The following TRIM50 variants were observed in gnomAD, a reference collection of about 807,000 sequenced individuals.
TRIM50 encodes the protein tripartite motif containing 50.
TRIM50 carries 34 observed loss-of-function variants against 44.9 expected under a neutral mutation model. The observed-to-expected ratio is 0.76, with a 90% confidence interval of 0.58 to 1.01. TRIM50 has a LOEUF of 1.01. TRIM50 is among the 50% of genes least tolerant of loss of function. TRIM50 has a pLI of 0.00. For synonymous variants in TRIM50, 307 were observed against 291.1 expected (o/e 1.05, Z -0.56); for missense variants, 633 against 663.7 (o/e 0.95, Z 0.51).
intron 3 of TRIM50, 71 bp downstream of exon 3, chr7:73,320,076 A>G: frequency 1.1e-5 from 17 of 1,612,222 alleles, no homozygotes; most frequent in East Asian, 4.5e-5. Context: ...TAAAGGACCA[A>G]TGAGAACTGA....
Position 73,313,275 on chromosome 7 carries a change from G to A in TRIM50, c.1110C>T (p.Ala370=), listed in dbSNP as rs781885273. ...DWRLGVIKGT[A]SRKGKLNRSP... ...ACCTGTTCAGCTTGCCCTTACGGCT[G>A]GCTGTGCCCTTGATGACCCCCAGGC... The change falls in exon 7 of 7, where the codon GCC becomes GCT. Residue 370 remains alanine (A), a synonymous_variant. Transcript: ENST00000333149. The surrounding 1 kb of genome is among the most constrained non-coding windows in gnomAD (Gnocchi z 4.9). 1 of 1,603,140 alleles carries A rather than the reference G, an allele frequency of 6.2e-7. No homozygotes were observed. Among genetic ancestry groups the A allele is most frequent in the South Asian group, 1.1e-5 (1 of 89,110 alleles).
rs1554545647 is a variant in TRIM50 at position 73,324,599 on chromosome 7, G to A, written c.189C>T (p.Ser63=). The A allele has an allele frequency of 1.9e-6, 3 of 1,614,108 alleles. No homozygotes were observed. Among genetic ancestry groups the A allele is most frequent in the African/African-American group, 2.7e-5 (2 of 75,046 alleles). The stretch of plus-strand genomic sequence containing the variant: ...CCAGGGAGACGTTGGGCAGGGAGCT[G>A]CTGCCGTCCACCGCCTGCCGGCACA... ...CPVCRQAVDG[S]SSLPNVSLAR... The change falls in exon 2 of 7, where the codon AGC becomes AGT. Residue 63 remains serine (S), a synonymous_variant. Transcript: ENST00000333149.
intron 1 of TRIM50, among the ~76,000 whole-genome samples, chr7:73,325,014 A>G (rs1176123157): frequency 2.0e-4 from 29 of 141,950 alleles, no homozygotes; most frequent in Admixed American, 1.6e-3. Context: ...CCTTGAAGAT[A>G]TGTGTGTGTG....
In TRIM50 at chr7:73,324,467, G is replaced by T; in HGVS notation, c.321C>A (p.Ile107=). ...AGCCCAGCAGACCGCAGAGGCCACA[G>T]ATGAGCTCCTGGTCCTTCTCGCAGA... is the stretch of plus-strand genomic sequence containing the variant. ...SLFCEKDQEL[I]CGLCGLLGSH... The change falls in exon 2 of 7, where the codon ATC becomes ATA. Residue 107 remains isoleucine, a synonymous_variant. Transcript: ENST00000333149. The T allele has an allele frequency of 6.2e-7, 1 of 1,613,594 alleles. No individual in the cohort carries two copies. The highest frequency in any genetic ancestry group is 8.5e-7 in the Non-Finnish European group (1 of 1,180,032).
Position 73,318,915 on chromosome 7 carries a change from C to G in TRIM50, c.633G>C (p.Gln211His). 6.2e-7 allele frequency: 1 copy of G among 1,614,024 alleles called. No individual in the cohort carries two copies. The highest frequency in any genetic ancestry group is 8.5e-7 in the Non-Finnish European group (1 of 1,179,874). The change falls in exon 4 of 7, where the codon CAG becomes CAC. Residue 211 changes from glutamine to histidine, a missense_variant. By Grantham distance (24) the Gln-to-His change is conservative. Coordinates refer to ENST00000333149, the MANE Select transcript of TRIM50 (RefSeq NM_178125.3). ...TRGLVASLDMQLEQAQGTRER... is the reference protein window; with the variant it reads ...TRGLVASLDMHLEQAQGTRER... ...CCCGGGTTCCCTGGGCCTGCTCCAGCTGCATGTCCAGGGAGGCCACCAGGC... is the reference window on the plus strand; with the variant it reads ...CCCGGGTTCCCTGGGCCTGCTCCAGGTGCATGTCCAGGGAGGCCACCAGGC...
At chr7:73,324,852 T>C (rs552202727) in intron 1 of TRIM50, 47 bp from the exon 2 acceptor site, 1 of 1,605,024 alleles carries the variant, frequency 6.2e-7, no homozygotes, top group African/African-American at 1.3e-5. Flanking sequence ...CCCCTCCCCC[T>C]GTCCAGCACT....
At position 73,313,154 on chromosome 7, in the gene TRIM50, G is replaced by T; in HGVS notation, c.1231C>A (p.Pro411Thr). Reference sequence around the variant, plus strand: ...TGCAGGTAGAGCCCGATGCGGTGGGGGTGGCCGGCCACGGGCAGGGGTACC... The same window carrying T: ...TGCAGGTAGAGCCCGATGCGGTGGGTGTGGCCGGCCACGGGCAGGGGTACC... ...PRVPLPVAGH[P>T]HRIGLYLHYE... is the part of the protein sequence containing the mutation. The change falls in exon 7 of 7, where the codon CCC (proline) becomes ACC (threonine). Residue 411 changes from proline (P) to threonine (T), a missense_variant. By Grantham distance (38) the Pro-to-Thr change is conservative. Transcript: ENST00000333149. The surrounding 1 kb of genome is among the most constrained non-coding windows in gnomAD (Gnocchi z 4.9). The T allele has an allele frequency of 1.3e-6, 2 of 1,589,032 alleles. No individual in the cohort carries two copies. The highest frequency in any genetic ancestry group is 1.7e-6 in the Non-Finnish European group (2 of 1,168,124).
In TRIM50 at chr7:73,320,163, T is replaced by G. The variant is rs782426358; in HGVS notation, c.479A>C (p.Asn160Thr). The change falls in exon 3 of 7, where the codon AAC (asparagine) becomes ACC (threonine). Residue 160 changes from asparagine (N) to threonine (T), a missense_variant. Coordinates refer to ENST00000333149, the MANE Select transcript of TRIM50 (RefSeq NM_178125.3). ...VDELIAKLVN[N>T]RTRIVNESDV... is the part of the protein sequence containing the mutation. ...GGCACTCACGACGATTCGGGTCCGG[T>G]TGTTCACCAGTTTGGCGATGAGCTC... The G allele has an allele frequency of 6.2e-7, 1 of 1,613,938 alleles. No homozygotes were observed.
chr7:73,313,244 C>T lies in TRIM50; in HGVS notation c.1141G>A (p.Glu381Lys), dbSNP rs782075450. Residue 381 changes from glutamate to lysine, a missense_variant, in exon 7 of 7, where the codon GAG becomes AAG. Physicochemically the swap from Glu to Lys is moderately conservative, Grantham distance 56. Transcript: ENST00000333149. This position sits in a 1 kb window ranked among gnomAD's most constrained non-coding sequence, Gnocchi z 4.9. ...AGGCCGATCAGCCACACGCCGTGCTCGGGGGACCTGTTCAGCTTGCCCTTA... is the reference window on the plus strand; with the variant it reads ...AGGCCGATCAGCCACACGCCGTGCTTGGGGGACCTGTTCAGCTTGCCCTTA... ...SRKGKLNRSP[E>K]HGVWLIGLKE... The T allele has an allele frequency of 5.6e-6, 9 of 1,597,178 alleles. No homozygotes were observed. Among genetic ancestry groups the T allele is most frequent in the Non-Finnish European group, 7.7e-6 (9 of 1,172,458 alleles).
rs782737177 is a variant in TRIM50 at position 73,313,245 on chromosome 7, G to A, written c.1140C>T (p.Pro380=). The A allele has an allele frequency of 5.6e-6, 9 of 1,597,490 alleles. No individual in the cohort carries two copies. Among genetic ancestry groups the A allele is most frequent in the South Asian group, 2.3e-5 (2 of 88,398 alleles). ...ASRKGKLNRS[P]EHGVWLIGLK... is the part of the protein sequence containing the mutation. ...GGCCGATCAGCCACACGCCGTGCTCGGGGGACCTGTTCAGCTTGCCCTTAC... is the reference window on the plus strand; with the variant it reads ...GGCCGATCAGCCACACGCCGTGCTCAGGGGACCTGTTCAGCTTGCCCTTAC... Residue 380 remains proline, a synonymous_variant, in exon 7 of 7, where the codon CCC becomes CCT. Transcript: ENST00000333149. The surrounding 1 kb of genome is among the most constrained non-coding windows in gnomAD (Gnocchi z 4.9).
At chr7:73,314,887 T>C in intron 6 of TRIM50, 1 of 201,522 alleles carries the variant, frequency 5.0e-6, no homozygotes. Flanking sequence ...TGGTGGTGAC[T>C]CCACGCAACA....
chr7:73,318,968 G>A lies in TRIM50; in HGVS notation c.580C>T (p.Leu194=), dbSNP rs142759241. 2.7e-4 allele frequency: 437 copies of A among 1,614,016 alleles called. 2 individuals carry two copies. The African/African-American group carries it at 5.2e-3, about 19-fold the overall frequency. ...CGGGTGTGACCCCCTATCCCCTCCA[G>A]GCAGCGGGCCTTCTCCTCATCCACC... The part of the protein sequence containing the change: ...HLVDEEKARC[L]EGIGGHTRGL... The change falls in exon 4 of 7, where the codon CTG becomes TTG. Residue 194 remains leucine, a synonymous_variant. Coordinates refer to ENST00000333149, the MANE Select transcript of TRIM50 (RefSeq NM_178125.3).
At chr7:73,327,081 G>A (rs555488345) in intron 1 of TRIM50, among the ~76,000 whole-genome samples, 30 of 150,684 alleles carry the variant, frequency 2.0e-4, no homozygotes, top group African/African-American at 6.8e-4. Flanking sequence ...GTGAGCCACC[G>A]CGCCTGTCCT....
chr7:73,322,904 A>C (rs1453786247), intron 2 of TRIM50, among the ~76,000 whole-genome samples: 5 of 151,962 alleles, frequency 3.3e-5, no homozygotes, highest in South Asian at 2.1e-4. Context: ...GACTGCACAT[A>C]TCCAGGCACC....
In TRIM50 at chr7:73,318,816, A is replaced by T; in HGVS notation, c.726+6T>A. ...ATGGGGATGGGACGCCTCCCTGTCC[A>T]CTCACCCGGATGAACTTGTGGTGGT... On this transcript the variant is annotated splice_donor_region_variant and intron_variant, in intron 4 of 6. Transcript: ENST00000333149. The T allele has an allele frequency of 6.2e-7, 1 of 1,613,736 alleles. No homozygotes were observed. The highest frequency in any genetic ancestry group is 1.1e-5 in the South Asian group (1 of 91,048).
intron 3 of TRIM50, 131 bp from the exon 4 acceptor site, chr7:73,319,183 G>A: frequency 6.8e-7 from 1 of 1,476,320 alleles, no homozygotes. Flanking sequence ...GAGGCTGCAT[G>A]GCCTGGCGCC....
At chr7:73,323,375 A>C (rs13240714) in intron 2 of TRIM50, among the ~76,000 whole-genome samples, 20 of 152,050 alleles carry the variant, frequency 1.3e-4, no homozygotes, top group Non-Finnish European at 2.5e-4. Flanking sequence ...CCTGGCCAAC[A>C]AGGCTAATTT....
chr7:73,314,300 C>T (rs1804308203), intron 6 of TRIM50: 4 of 330,890 alleles, frequency 1.2e-5, no homozygotes, highest in African/African-American at 2.2e-5. Flanking sequence ...GGTGCAGTGG[C>T]GGACAGCCAT....
chr7:73,324,611 C>T lies in TRIM50; in HGVS notation c.177G>A (p.Ala59=), dbSNP rs782164657. The change falls in exon 2 of 7, where the codon GCG becomes GCA. Residue 59 remains alanine (A), a synonymous_variant. Transcript: ENST00000333149. ...TGGGCAGGGAGCTGCTGCCGTCCAC[C>T]GCCTGCCGGCACACGGGGCAGCGCA... ...AELRCPVCRQ[A]VDGSSSLPNV... is the part of the protein sequence containing the mutation. 1.4e-5 allele frequency: 22 copies of T among 1,614,030 alleles called. No individual in the cohort carries two copies. The highest frequency in any genetic ancestry group is 8.9e-5 in the East Asian group (4 of 44,894).
Sources: gnomAD v4.1 joint callset for allele counts (sites outside exome capture counted in the v4.1 genomes callset) on GRCh38, gnomAD v4.1.1 for gene constraint, Gnocchi (gnomAD v3.1) non-coding constraint, MANE v1.5 for transcripts, NCBI Gene and HGNC (gene_info 2026-07-23, HGNC 2026-07-21) for gene names.